HGFAC: variants seen among roughly 807,000 people sequenced by gnomAD.
The protein encoded by HGFAC is hepatocyte growth factor activator serine protease.
HGFAC carries 76 observed loss-of-function variants against 70.6 expected under a neutral mutation model. The ratio of observed to expected loss-of-function variants is 1.08; its 90% CI spans 0.89 to 1.30. The LOEUF (loss-of-function observed/expected upper bound fraction) is 1.30, where lower values mean the gene tolerates loss of function less well. Among genes scored for constraint, HGFAC ranks in the 50% most tolerant of loss-of-function variants. The pLI, the probability that HGFAC is intolerant of heterozygous loss-of-function variation, is 0.00. For synonymous variants in HGFAC, 464 were observed against 405.3 expected, an observed-to-expected ratio of 1.14 and a Z score of -1.74; for missense variants, 1,044 against 933.7, an observed-to-expected ratio of 1.12 and a Z score of -1.54.
At position 3,444,347 on chromosome 4, in the gene HGFAC, AG is replaced by A; in HGVS notation, c.641del (p.Gly214AlafsTer33). ...CFDETRYEYLEGGDRWARVRQ... is the reference protein window; with the variant it reads ...CFDETRYEYLXGGDRWARVRQ... ...GATGAGACCCGCTACGAGTACCTGG[AG>A]GGGGGCGACCGCTGGGCCCGCGTGC... On this transcript the variant is annotated frameshift_variant, in exon 6 of 14. Transcript: ENST00000382774. LOFTEE classifies it high-confidence loss of function. 6.3e-7 allele frequency: 1 copy of A among 1,598,704 alleles called. No homozygotes were observed. The highest frequency in any genetic ancestry group is 1.7e-5 in the Admixed American group (1 of 57,644).
chr4:3,444,907 G>A lies in HGFAC; in HGVS notation c.930G>A (p.Trp310Ter), dbSNP rs1297593113. Residue 310 changes from tryptophan to a stop codon, truncating the protein, a stop_gained, in exon 8 of 14, where the codon TGG (tryptophan) becomes TGA (stop). Coordinates refer to ENST00000382774, the MANE Select transcript of HGFAC (RefSeq NM_001528.4). LOFTEE classifies it high-confidence loss of function. The stretch of plus-strand genomic sequence containing the variant: ...CCTCGGGCCTCAGCTGCCTGGCCTG[G>A]AACTCCGATCTGCTCTACCAGGAGC... The part of the protein sequence containing the change: ...TSASGLSCLA[W>*]NSDLLYQELH... 1 of 1,609,582 alleles carries A rather than the reference G, an allele frequency of 6.2e-7. No individual in the cohort carries two copies. Among genetic ancestry groups the A allele is most frequent in the Non-Finnish European group, 8.5e-7 (1 of 1,178,782 alleles).
chr4:3,446,852 G>T (rs576049786), intron 10 of HGFAC, among the ~76,000 whole-genome samples: 1 of 152,306 alleles, frequency 6.6e-6, no homozygotes, highest in African/African-American at 2.4e-5. Context: ...AGGGGCAGGG[G>T]TCCGGCCAGC....
At chr4:3,448,398 C>T in intron 13 of HGFAC, 122 bp downstream of exon 13, 1 of 1,222,702 alleles carries the variant, frequency 8.2e-7, no homozygotes, top group Admixed American at 2.4e-5. Flanking sequence ...CAGGGCCAGC[C>T]AGGGACCCCT....
rs552923119 is a variant in HGFAC, at chr4:3,448,041, T to G, written c.1636+6T>G. On this transcript the variant is annotated splice_donor_region_variant and intron_variant, in intron 12 of 13. Transcript: ENST00000382774. Reference sequence around the variant, plus strand: ...CTGGGGCCACTTGGATGAGAGTGAGTTGGGAGGGGGGCGCCCAGCGCCCCG... The same window carrying G: ...CTGGGGCCACTTGGATGAGAGTGAGGTGGGAGGGGGGCGCCCAGCGCCCCG... The G allele has an allele frequency of 6.4e-7, 1 of 1,555,818 alleles. No homozygotes were observed. The highest frequency in any genetic ancestry group is 2.4e-5 in the East Asian group (1 of 41,238).
chr4:3,442,152 G>A lies in HGFAC; in HGVS notation c.117+34G>A, dbSNP rs754472531. The A allele has an allele frequency of 3.3e-6, 5 of 1,498,066 alleles. No homozygotes were observed. In the South Asian group the frequency reaches 6.2e-5, roughly 19 times the overall value. 92.8% of individuals were successfully genotyped at this position (1,498,066 alleles called of 1,614,324 possible). A position where few individuals can be genotyped will look rare whatever the true frequency, so the allele number is the denominator to read the frequency against. The stretch of plus-strand genomic sequence containing the variant: ...TGACCTTGTCGCAGTGCGACCAGAG[G>A]TTCCCAGTGGCTACTTGGGGTCCTT... On this transcript the variant is annotated intron_variant, in intron 1 of 13. Coordinates refer to ENST00000382774, the MANE Select transcript of HGFAC (RefSeq NM_001528.4).
upstream of HGFAC, chr4:3,441,843 G>A: frequency 1.9e-6 from 1 of 517,116 alleles, no homozygotes; most frequent in Non-Finnish European, 3.3e-6. This position sits in a 1 kb window ranked among gnomAD's most constrained non-coding sequence, Gnocchi z 6.0. Flanking sequence ...GAGGTGGGCA[G>A]CAGGTGTGGG....
chr4:3,445,587 G>T (rs1725481414), intron 9 of HGFAC: 1 of 604,832 alleles, frequency 1.7e-6, no homozygotes, highest in African/African-American at 1.9e-5. Flanking sequence ...GGTGGCACCT[G>T]CCCAGCCTGG....
chr4:3,447,420 G>A (rs1725546856), intron 10 of HGFAC, 72 bp from the exon 11 acceptor site: 1 of 1,469,444 alleles, frequency 6.8e-7, no homozygotes, highest in Admixed American at 2.0e-5. Flanking sequence ...GGGCCTGACA[G>A]GGGGTGGGGA....
chr4:3,442,337 C>T (rs939538555), intron 1 of HGFAC, among the ~76,000 whole-genome samples: 1 of 152,180 alleles, frequency 6.6e-6, no homozygotes, highest in Non-Finnish European at 1.5e-5. Context: ...CACCTGGGGG[C>T]TGTCATCCCT....
In HGFAC at chr4:3,448,012, C is replaced by T. The variant is rs557625670; in HGVS notation, c.1613C>T (p.Ala538Val). The change falls in exon 12 of 14, where the codon GCG becomes GTG. Residue 538 changes from alanine (A) to valine (V), a missense_variant. Coordinates refer to ENST00000382774, the MANE Select transcript of HGFAC (RefSeq NM_001528.4). ...CCCGCAGGACACAAGTGCCAGATTG[C>T]GGGCTGGGGCCACTTGGATGAGAGT... ...TFPAGHKCQIAGWGHLDENVS... is the reference protein window; with the variant it reads ...TFPAGHKCQIVGWGHLDENVS... 3.1e-5 allele frequency: 49 copies of T among 1,560,256 alleles called. No homozygotes were observed. Among genetic ancestry groups the T allele is most frequent in the East Asian group, 9.7e-5 (4 of 41,410 alleles).
At chr4:3,443,459 C>A in intron 4 of HGFAC, 39 bp downstream of exon 4, 1 of 1,312,310 alleles carries the variant, frequency 7.6e-7, no homozygotes, top group South Asian at 1.6e-5. Context: ...GGGCAGGGGG[C>A]ACTGGGCCAG....
rs756455519 is a variant in HGFAC at position 3,444,719 on chromosome 4, G to T, written c.827G>T (p.Arg276Leu). The T allele has an allele frequency of 6.3e-7, 1 of 1,594,562 alleles. No individual in the cohort carries two copies. Among genetic ancestry groups the T allele is most frequent in the Non-Finnish European group, 8.5e-7 (1 of 1,176,698 alleles). ...VCACPPGFAG[R>L]LCNIEPDERC... ...GCCTGCCCACCAGGCTTCGCTGGAC[G>T]GCTCTGCAACATCGGTGAGTGGGTC... Residue 276 changes from arginine to leucine, a missense_variant, in exon 7 of 14, where the codon CGG becomes CTG. Coordinates refer to ENST00000382774, the MANE Select transcript of HGFAC (RefSeq NM_001528.4).
rs149037288 is a variant in HGFAC at position 3,446,220 on chromosome 4, C to T, written c.1281C>T (p.Ile427=). The change falls in exon 10 of 14, where the codon ATC becomes ATT. Residue 427 remains isoleucine (I), a synonymous_variant. Coordinates refer to ENST00000382774, the MANE Select transcript of HGFAC (RefSeq NM_001528.4). ...ACCCCTGGCTGGCCGCCATCTACAT[C>T]GGGGACAGCTTCTGCGCCGGGAGCC... ...GSHPWLAAIY[I]GDSFCAGSLV... 25 of 1,611,072 alleles carry T rather than the reference C, an allele frequency of 1.6e-5. No individual in the cohort carries two copies. The highest frequency in any genetic ancestry group is 5.0e-5 in the Admixed American group (3 of 59,890).
In HGFAC at chr4:3,448,181, G is replaced by C. The variant is rs767158380; in HGVS notation, c.1690G>C (p.Asp564His). The change falls in exon 13 of 14, where the codon GAC becomes CAC. Residue 564 changes from aspartate to histidine, a missense_variant. Asp to His is a moderately conservative substitution (Grantham distance 81, BLOSUM62 -1). Transcript: ENST00000382774. ...GGAGGCCCTGGTCCCCCTGGTCGCC[G>C]ACCACAAGTGCAGCAGCCCTGAGGT... ...LREALVPLVA[D>H]HKCSSPEVYG... 1 of 1,603,292 alleles carries C rather than the reference G, an allele frequency of 6.2e-7. No individual in the cohort carries two copies. Among genetic ancestry groups the C allele is most frequent in the Non-Finnish European group, 8.5e-7 (1 of 1,176,364 alleles).
chr4:3,449,258 G>C lies in HGFAC; in HGVS notation c.1807G>C (p.Ala603Pro), dbSNP rs1243420687. The change falls in exon 14 of 14, where the codon GCC (alanine) becomes CCC (proline). Residue 603 changes from alanine (A) to proline (P), a missense_variant. By Grantham distance (27) the Ala-to-Pro change is conservative. Transcript: ENST00000382774. ...ACQGDSGGPL[A>P]CEKNGVAYLY... ...CCAGGGGGACTCAGGGGGGCCCCTG[G>C]CCTGCGAGAAGAACGGCGTGGCTTA... 4 of 1,612,172 alleles carry C rather than the reference G, an allele frequency of 2.5e-6. No individual in the cohort carries two copies. Among genetic ancestry groups the C allele is most frequent in the South Asian group, 1.1e-5 (1 of 91,062 alleles).
intron 4 of HGFAC, among the ~76,000 whole-genome samples, chr4:3,443,622 C>G (rs1348407660): frequency 6.6e-6 from 1 of 152,192 alleles, no homozygotes; most frequent in Admixed American, 6.5e-5. Flanking sequence ...GGCTGCGCGG[C>G]CATCGCTGGG....
At position 3,447,944 on chromosome 4, in the gene HGFAC, G is replaced by T; in HGVS notation, c.1545G>T (p.Gln515His). The T allele has an allele frequency of 1.2e-6, 2 of 1,606,188 alleles. No homozygotes were observed. The highest frequency in any genetic ancestry group is 1.3e-5 in the African/African-American group (1 of 74,898). ...GGGACCGCTGTGCCACACGCTCGCAGTTCGTGCAGCCCATCTGCCTGCCCG... is the reference window on the plus strand; with the variant it reads ...GGGACCGCTGTGCCACACGCTCGCATTTCGTGCAGCCCATCTGCCTGCCCG... ...KKGDRCATRSQFVQPICLPEP... is the reference protein window; with the variant it reads ...KKGDRCATRSHFVQPICLPEP... The change falls in exon 12 of 14, where the codon CAG becomes CAT. Residue 515 changes from glutamine (Q) to histidine (H), a missense_variant. Physicochemically the swap from Gln to His is conservative, Grantham distance 24 (BLOSUM62 0). Transcript: ENST00000382774.
In HGFAC at chr4:3,444,264, G is replaced by A. The variant is rs754395468; in HGVS notation, c.599-47G>A. 2.2e-5 allele frequency: 35 copies of A among 1,567,184 alleles called. 1 individual carries two copies. Among genetic ancestry groups the A allele is most frequent in the African/African-American group, 2.2e-4 (16 of 73,796 alleles). The stretch of plus-strand genomic sequence containing the variant: ...CGAGTGCAGGGCAGGGGCCCTGCAC[G>A]GGGACAGCAGGTGGCAGGGTGTGAG... On this transcript the variant is annotated intron_variant, in intron 5 of 13. Coordinates refer to ENST00000382774, the MANE Select transcript of HGFAC (RefSeq NM_001528.4).
chr4:3,445,363 C>G lies in HGFAC; in HGVS notation c.1102+13C>G, dbSNP rs769235967. On this transcript the variant is annotated intron_variant, in intron 9 of 13. Coordinates refer to ENST00000382774, the MANE Select transcript of HGFAC (RefSeq NM_001528.4). The stretch of plus-strand genomic sequence containing the variant: ...CTGGAGGCCTGCGGTGCGCGGCTGG[C>G]GGGGGGTGCTGCCTTGGGCCCCACC... 1.3e-6 allele frequency: 2 copies of G among 1,550,964 alleles called. No individual in the cohort carries two copies. Among genetic ancestry groups the G allele is most frequent in the South Asian group, 1.2e-5 (1 of 84,346 alleles).
Sources: gnomAD v4.1 joint callset for allele counts (sites outside exome capture counted in the v4.1 genomes callset) on GRCh38, gnomAD v4.1.1 for gene constraint, Gnocchi (gnomAD v3.1) non-coding constraint, MANE v1.5 for transcripts, NCBI Gene and HGNC (gene_info 2026-07-23, HGNC 2026-07-21) for gene names.